The following MGST1 variants were observed in gnomAD, a reference collection of about 807,000 sequenced individuals.
The protein encoded by MGST1 is glutathione S-transferase 12.
Under a neutral mutation model 8.9 loss-of-function variants are expected in MGST1, and 5 were observed. The observed-to-expected ratio is 0.56, with a 90% CI of 0.29 to 1.19. MGST1 has a LOEUF of 1.19. Among genes scored for constraint, MGST1 ranks in the 50% most tolerant of loss-of-function variants. The pLI, the probability that MGST1 is intolerant of heterozygous loss-of-function variation, is 0.08. For missense variants in MGST1, 182 were observed against 187.4 expected, an observed-to-expected ratio of 0.97 and a Z score of 0.17; for synonymous variants, 54 against 67.8, an observed-to-expected ratio of 0.80 and a Z score of 1.00.
chr12:16,468,701 G>A (rs1477175606), intron 4 of MGST1, among the ~76,000 whole-genome samples: 1 of 152,204 alleles, frequency 6.6e-6, no homozygotes, highest in African/African-American at 2.4e-5. Context: ...GAAAATATTT[G>A]TTGTAGGATA....
chr12:16,388,780 C>T (rs1281928744), intron 1 of MGST1, among the ~76,000 whole-genome samples: 1 of 152,176 alleles, frequency 6.6e-6, no homozygotes, highest in Admixed American at 6.5e-5. Flanking sequence ...TAAATTAAAA[C>T]TAATGGACCT....
intron 4 of MGST1, among the ~76,000 whole-genome samples, chr12:16,455,021 CTCATTTTGTA>C (rs1379224010): frequency 3.3e-5 from 5 of 151,492 alleles, no homozygotes; most frequent in African/African-American, 1.2e-4. Flanking sequence ...ACAAATCTTA[CTCATTTTGTA>C]TCATTAGTAC....
rs115011620 is a variant in MGST1, at chr12:16,488,530, C to T, written n.483-100998C>T. ...AGTTTTCAAATGTCAGATCAAAATCCCCTATTTTGAGAAGTCTTTCTTGTT... is the reference window on the plus strand; with the variant it reads ...AGTTTTCAAATGTCAGATCAAAATCTCCTATTTTGAGAAGTCTTTCTTGTT... On this transcript the variant is annotated intron_variant and non_coding_transcript_variant, in intron 4 of 4. Transcript: ENST00000538857. 5.7e-3 allele frequency among the ~76,000 whole-genome samples: 873 copies of T among 152,220 alleles called. 7 individuals carry two copies. The highest frequency in any genetic ancestry group is 0.02 in the African/African-American group (829 of 41,538).
At chr12:16,572,475 T>A (rs1386164820) in intron 4 of MGST1, among the ~76,000 whole-genome samples, 1 of 149,738 alleles carries the variant, frequency 6.7e-6, no homozygotes, top group African/African-American at 2.4e-5. Flanking sequence ...TTGGGTCACC[T>A]TTAGGACTTA....
In MGST1 at chr12:16,364,145, A is replaced by G. The variant is rs1940134234; in HGVS notation, c.*104A>G. On this transcript the variant is annotated 3_prime_UTR_variant, in exon 4 of 4. Transcript: ENST00000396210. The surrounding 1 kb of genome is among the most constrained non-coding windows in gnomAD (Gnocchi z 5.7). ...TTTTAGGTAGGAGGGGAGCAGAGGA[A>G]TTATGAACTGGGGTAAACCCATTTT... The G allele has an allele frequency of 6.9e-7, 1 of 1,439,850 alleles. No homozygotes were observed. Among genetic ancestry groups the G allele is most frequent in the Non-Finnish European group, 9.1e-7 (1 of 1,093,626 alleles). The allele number at this position is 1,439,850 out of a possible 1,614,324, so 89.2% of individuals were successfully genotyped here.
rs1941594077 is a variant in MGST1 at position 16,513,925 on chromosome 12, T to C, written n.483-75603T>C. 5.3e-6 allele frequency: 3 copies of C among 565,092 alleles called. No homozygotes were observed. Among genetic ancestry groups the C allele is most frequent in the South Asian group, 1.6e-5 (1 of 60,970 alleles). The allele number at this position is 565,092 out of a possible 1,614,324, so 35.0% of individuals were successfully genotyped here. ...CATGCAGCTACAAGGTTATCGATACTATGACCGCAAGACTTGCGGTTTTGA... is the reference window on the plus strand; with the variant it reads ...CATGCAGCTACAAGGTTATCGATACCATGACCGCAAGACTTGCGGTTTTGA... On this transcript the variant is annotated intron_variant and non_coding_transcript_variant, in intron 4 of 4. Transcript: ENST00000538857. This position sits in a 1 kb window ranked among gnomAD's most constrained non-coding sequence, Gnocchi z 4.2.
chr12:16,534,378 A>G (rs1171274438), intron 4 of MGST1, among the ~76,000 whole-genome samples: 1 of 152,182 alleles, frequency 6.6e-6, no homozygotes, highest in African/African-American at 2.4e-5. Flanking sequence ...TTCCTCCTCA[A>G]CACAGTCACT....
downstream of MGST1, among the ~76,000 whole-genome samples, chr12:16,442,335 A>T (rs1477960815): frequency 1.3e-5 from 2 of 151,772 alleles, no homozygotes; most frequent in Admixed American, 6.6e-5. The surrounding 1 kb of genome is among the most constrained non-coding windows in gnomAD (Gnocchi z 4.5). Context: ...TAGCTTATCA[A>T]TTATTTCTTT....
intron 4 of MGST1, among the ~76,000 whole-genome samples, chr12:16,456,844 T>C (rs1941177817): frequency 6.6e-6 from 1 of 151,898 alleles, no homozygotes; most frequent in Non-Finnish European, 1.5e-5. Flanking sequence ...ATTCTGTCAA[T>C]TCAGCTTCTG....
intron 1 of MGST1, among the ~76,000 whole-genome samples, chr12:16,415,617 T>G (rs540963852): frequency 7.6e-4 from 116 of 152,358 alleles, no homozygotes; most frequent in African/African-American, 2.7e-3. Flanking sequence ...TTCTCTAGCT[T>G]AATTCATCTT....
intron 1 of MGST1, among the ~76,000 whole-genome samples, chr12:16,423,374 A>AT (rs1437316102): frequency 2.0e-5 from 3 of 152,134 alleles, no homozygotes; most frequent in African/African-American, 4.8e-5. Context: ...CAAGTATTTG[A>AT]TTTTAAAGTG....
intron 1 of MGST1, among the ~76,000 whole-genome samples, chr12:16,420,223 TCACATCATCAA>T (rs1246346303): frequency 1.1e-3 from 173 of 152,282 alleles, no homozygotes; most frequent in African/African-American, 3.8e-3. Flanking sequence ...ATAGCACAGA[TCACATCATCAA>T]GATGCCCACT....
At chr12:16,360,109 T>C (rs1394614187) in intron 3 of MGST1, among the ~76,000 whole-genome samples, 1 of 152,166 alleles carries the variant, frequency 6.6e-6, no homozygotes, top group African/African-American at 2.4e-5. Flanking sequence ...CTTTTCCGCA[T>C]ACTGAGAGAA....
intron 1 of MGST1, among the ~76,000 whole-genome samples, chr12:16,385,747 C>G (rs925604379): frequency 6.7e-6 from 1 of 150,290 alleles, no homozygotes; most frequent in African/African-American, 2.5e-5. Context: ...GTCTTTGGCA[C>G]GATACTGTGG....
chr12:16,417,217 G>A (rs1940794253), intron 1 of MGST1, among the ~76,000 whole-genome samples: 1 of 152,132 alleles, frequency 6.6e-6, no homozygotes. Flanking sequence ...CATAGCAGAA[G>A]GGGAGGCAAA....
chr12:16,374,822 G>GAT (rs1033902578), intron 3 of MGST1, among the ~76,000 whole-genome samples: 210 of 151,994 alleles, frequency 1.4e-3, no homozygotes, highest in African/African-American at 4.6e-3. Context: ...TAAACTTTAG[G>GAT]ATATATATAT....
chr12:16,430,493 C>A (rs955446137), intron 1 of MGST1, among the ~76,000 whole-genome samples: 3 of 152,128 alleles, frequency 2.0e-5, no homozygotes, highest in African/African-American at 4.8e-5. Flanking sequence ...AATCTTTGAT[C>A]CGTGGGCTGC....
At chr12:16,564,585 T>A (rs1942524948) in intron 4 of MGST1, among the ~76,000 whole-genome samples, 1 of 152,182 alleles carries the variant, frequency 6.6e-6, no homozygotes, top group African/African-American at 2.4e-5. Context: ...GCACCAGATG[T>A]TTCTATAGAT....
chr12:16,592,012 T>C (rs1008073025), downstream of MGST1, among the ~76,000 whole-genome samples: 2 of 152,070 alleles, frequency 1.3e-5, no homozygotes, highest in Non-Finnish European at 2.9e-5. Context: ...TTATCAGGTG[T>C]AGAAAATTTG....
Sources: gnomAD v4.1 joint callset for allele counts (sites outside exome capture counted in the v4.1 genomes callset) on GRCh38, gnomAD v4.1.1 for gene constraint, Gnocchi (gnomAD v3.1) non-coding constraint, MANE v1.5 for transcripts, NCBI Gene and HGNC (gene_info 2026-07-23, HGNC 2026-07-21) for gene names.